Variants in PTPRN2 observed in about 807,000 individuals in gnomAD.
PTPRN2 encodes protein tyrosine phosphatase receptor type N2.
PTPRN2 carries 74 observed loss-of-function variants against 118.8 expected under a neutral mutation model. That is an observed-to-expected ratio of 0.62 (90% CI 0.52 to 0.76). PTPRN2 has a LOEUF of 0.76. Ranked by LOEUF, PTPRN2 falls within the 30% of genes least tolerant of loss-of-function variation. PTPRN2 has a pLI of 0.00. For synonymous variants in PTPRN2, 641 were observed against 608.0 expected (o/e 1.05, Z -0.80); for missense variants, 1,481 against 1,394.4 (o/e 1.06, Z -0.99).
At chr7:158,534,345 A>G (rs552999599) in intron 1 of PTPRN2, among the ~76,000 whole-genome samples, 4 of 147,886 alleles carry the variant, frequency 2.7e-5, no homozygotes, top group African/African-American at 1.0e-4. Context: ...CTGTGGGTGC[A>G]GGTTGTGGCC....
At chr7:158,005,604 G>A (rs533004430) in intron 11 of PTPRN2, among the ~76,000 whole-genome samples, 8 of 152,306 alleles carry the variant, frequency 5.3e-5, no homozygotes, top group African/African-American at 1.2e-4. Context: ...TGCTGTCCAC[G>A]TTGTCTTAGA....
At chr7:157,798,502 G>C (rs1436007710) in intron 12 of PTPRN2, among the ~76,000 whole-genome samples, 1 of 151,606 alleles carries the variant, frequency 6.6e-6, no homozygotes, top group African/African-American at 2.4e-5. Flanking sequence ...CACACACACA[G>C]ACACACACGG....
chr7:158,468,505 A>G (rs1344946557), intron 2 of PTPRN2, among the ~76,000 whole-genome samples: 1 of 147,696 alleles, frequency 6.8e-6, no homozygotes, highest in Non-Finnish European at 1.5e-5. Flanking sequence ...CTCAGCTGAC[A>G]TTCTGATTCA....
Position 157,763,601 on chromosome 7 carries a change from C to T in PTPRN2, c.1789-80664G>A, listed in dbSNP as rs143765191. On this transcript the variant is annotated intron_variant, in intron 12 of 22. Coordinates refer to ENST00000389418, the MANE Select transcript of PTPRN2 (RefSeq NM_002847.5). The surrounding 1 kb of genome is among the most constrained non-coding windows in gnomAD (Gnocchi z 4.9). ...CCCCCCTGGCCATGGGGGAAGGCCA[C>T]GCCCCTAACCTGACTGCAGATTAAA... Among the ~76,000 whole-genome samples, 68 of 152,242 alleles carry T rather than the reference C, an allele frequency of 4.5e-4. No individual in the cohort carries two copies. Among genetic ancestry groups the T allele is most frequent in the African/African-American group, 1.5e-3 (64 of 41,564 alleles).
intron 12 of PTPRN2, among the ~76,000 whole-genome samples, chr7:157,872,720 G>C (rs765519739): frequency 6.6e-6 from 1 of 152,240 alleles, no homozygotes; most frequent in African/African-American, 2.4e-5. Context: ...GTAGAAGGAG[G>C]GTGCAGAGTC....
intron 5 of PTPRN2, among the ~76,000 whole-genome samples, chr7:158,171,665 C>G (rs939708271): frequency 2.0e-5 from 3 of 151,990 alleles, no homozygotes; most frequent in African/African-American, 7.2e-5. Flanking sequence ...CCTTCATATT[C>G]TTTAAAGCAG....
intron 2 of PTPRN2, among the ~76,000 whole-genome samples, chr7:158,401,037 G>T (rs1219216839): frequency 6.6e-6 from 1 of 152,146 alleles, no homozygotes; most frequent in Non-Finnish European, 1.5e-5. Flanking sequence ...CATCACCCAG[G>T]AACCGACACG....
intron 2 of PTPRN2, among the ~76,000 whole-genome samples, chr7:158,374,437 A>G (rs537236121): frequency 3.3e-5 from 5 of 152,308 alleles, no homozygotes; most frequent in African/African-American, 1.2e-4. Context: ...ACACACCTCA[A>G]TATCAACAGC....
At chr7:157,965,135 G>A (rs1801830218) in intron 11 of PTPRN2, among the ~76,000 whole-genome samples, 1 of 152,194 alleles carries the variant, frequency 6.6e-6, no homozygotes, top group Non-Finnish European at 1.5e-5. Context: ...AGATTTGTGG[G>A]AGAGAGTTGG....
chr7:157,695,353 A>G (rs1797712880), intron 12 of PTPRN2, among the ~76,000 whole-genome samples: 1 of 152,174 alleles, frequency 6.6e-6, no homozygotes, highest in African/African-American at 2.4e-5. Flanking sequence ...AGAAGTCTAA[A>G]TCAATTTTGT....
At chr7:157,633,998 G>C (rs1011875524) in intron 14 of PTPRN2, among the ~76,000 whole-genome samples, 1 of 152,294 alleles carries the variant, frequency 6.6e-6, no homozygotes, top group African/African-American at 2.4e-5. Flanking sequence ...AGCAGGCAGT[G>C]GCTGTGGCAT....
At chr7:158,298,680 G>A (rs780447678) in intron 3 of PTPRN2, among the ~76,000 whole-genome samples, 2 of 152,184 alleles carry the variant, frequency 1.3e-5, no homozygotes, top group African/African-American at 2.4e-5. Flanking sequence ...GGAGGAGGGC[G>A]CAAGGGCCCA....
At chr7:158,276,703 C>T (rs1168830293) in intron 3 of PTPRN2, among the ~76,000 whole-genome samples, 1 of 152,240 alleles carries the variant, frequency 6.6e-6, no homozygotes. Flanking sequence ...GTGCCAGGGG[C>T]TCCAGGGAAG....
Position 157,592,994 on chromosome 7 carries a change from C to T in PTPRN2, c.2496+2244G>A, listed in dbSNP as rs187298029. ...CATCGTGGTCATTGAGTGTGGATGC[C>T]GAGAGGCTTCACGCAGGACGGAGGG... On this transcript the variant is annotated intron_variant, in intron 17 of 22. Coordinates refer to ENST00000389418, the MANE Select transcript of PTPRN2 (RefSeq NM_002847.5). Among the ~76,000 whole-genome samples the T allele has an allele frequency of 2.4e-4, 32 of 135,438 alleles. 1 individual carries two copies. Among genetic ancestry groups the T allele is most frequent in the Middle Eastern group, 4.4e-3 (1 of 226 alleles). The allele number at this position is 135,438 out of a possible 152,430, so 88.9% of individuals were successfully genotyped here.
At chr7:158,189,055 A>C (rs10260462) in intron 5 of PTPRN2, among the ~76,000 whole-genome samples, 97,496 of 152,042 alleles carry the variant, frequency 0.64, 31,568 homozygotes, top group East Asian at 0.79. Flanking sequence ...GCTATGAGCC[A>C]TCTCATGGGG....
At chr7:157,582,211 C>A (rs917611241) in intron 17 of PTPRN2, among the ~76,000 whole-genome samples, 1 of 152,216 alleles carries the variant, frequency 6.6e-6, no homozygotes, top group Non-Finnish European at 1.5e-5. Flanking sequence ...ATGGCCACCC[C>A]GCCTACGCTT....
Position 157,929,343 on chromosome 7 carries a change from A to T in PTPRN2, c.1724-30606T>A, listed in dbSNP as rs543108252. Among the ~76,000 whole-genome samples the T allele has an allele frequency of 5.3e-4, 81 of 151,936 alleles. No homozygotes were observed. The highest frequency in any genetic ancestry group is 1.9e-3 in the African/African-American group (78 of 41,500). ...CGGTGGGGATGCTGGACAGGCATTC[A>T]GGAGACACAAATGTCAACTCCTCTG... On this transcript the variant is annotated intron_variant, in intron 11 of 22. Coordinates refer to ENST00000389418, the MANE Select transcript of PTPRN2 (RefSeq NM_002847.5). This position sits in a 1 kb window ranked among gnomAD's most constrained non-coding sequence, Gnocchi z 4.4.
At chr7:158,501,242 T>C (rs1364983550) in intron 1 of PTPRN2, among the ~76,000 whole-genome samples, 1 of 152,192 alleles carries the variant, frequency 6.6e-6, no homozygotes, top group Non-Finnish European at 1.5e-5. Context: ...ATGAGTTTTA[T>C]CATCTCTTGT....
chr7:157,976,259 C>A (rs1229348572), intron 11 of PTPRN2, among the ~76,000 whole-genome samples: 1 of 152,160 alleles, frequency 6.6e-6, no homozygotes, highest in Non-Finnish European at 1.5e-5. Flanking sequence ...TCGGCGATTC[C>A]CAGGAGGCGC....
Sources: allele counts gnomAD v4.1 joint callset (sites outside exome capture counted in the v4.1 genomes callset), GRCh38; gene constraint gnomAD v4.1.1; non-coding constraint Gnocchi (gnomAD v3.1); transcripts MANE v1.5; gene names NCBI Gene and HGNC (gene_info 2026-07-23, HGNC 2026-07-21).